The following PPP1R42 variants were observed in gnomAD, a reference collection of about 807,000 sequenced individuals.
PPP1R42 encodes protein phosphatase 1 regulatory subunit 42, also known as leucine rich repeat containing 67.
PPP1R42 carries 34 observed loss-of-function variants against 31.0 expected under a neutral mutation model. The observed-to-expected ratio is 1.10, with a 90% confidence interval of 0.83 to 1.46. The LOEUF (loss-of-function observed/expected upper bound fraction) is 1.46, where lower values mean the gene tolerates loss of function less well. Among genes scored for constraint, PPP1R42 ranks in the 40% most tolerant of loss-of-function variants. The pLI is 0.00. For missense variants in PPP1R42, 268 were observed against 303.0 expected (o/e 0.88, Z 0.86); for synonymous variants, 103 against 109.8 (o/e 0.94, Z 0.39).
intron 6 of PPP1R42, chr8:66,985,021 C>T: frequency 1.3e-6 from 2 of 1,523,482 alleles, no homozygotes; most frequent in Non-Finnish European, 1.8e-6. Flanking sequence ...ATTTTCCTCT[C>T]TAAGGTTAAA....
At chr8:66,982,010 C>A in intron 7 of PPP1R42, 39 bp downstream of exon 7, 1 of 1,307,744 alleles carries the variant, frequency 7.6e-7, no homozygotes, top group Non-Finnish European at 9.7e-7. Flanking sequence ...ATTTCCTTTG[C>A]TAGAAGAGCA....
intron 6 of PPP1R42, chr8:66,985,378 A>G (rs1278531353): frequency 9.1e-5 from 68 of 748,436 alleles, no homozygotes; most frequent in Non-Finnish European, 1.4e-4. Flanking sequence ...AACAGCACGA[A>G]TATTGGCAGG....
chr8:67,014,587 G>A lies in PPP1R42; in HGVS notation c.135C>T (p.Asp45=). The part of the protein sequence containing the change: ...FSDKNIDAIE[D]LSLCKNLSVL... ...CACTAAGATTTTTGCAAAGAGAGAG[G>A]TCTTCCTAAAAGGGAAACAAAAACA... Residue 45 remains aspartate (D), a synonymous_variant, in exon 3 of 8, where the codon GAC becomes GAT. Coordinates refer to ENST00000685739, the MANE Select transcript of PPP1R42 (RefSeq NM_001364910.1). 6.6e-7 allele frequency: 1 copy of A among 1,524,516 alleles called. No homozygotes were observed. The highest frequency in any genetic ancestry group is 8.9e-7 in the Non-Finnish European group (1 of 1,126,592). 94.4% of individuals were successfully genotyped at this position (1,524,516 alleles called of 1,614,324 possible).
intron 1 of PPP1R42, chr8:67,021,464 CTTA>C (rs886383060): frequency 2.0e-5 from 3 of 152,004 alleles, no homozygotes; most frequent in African/African-American, 7.2e-5. Context: ...AAATTTTAAG[CTTA>C]TTGTTGACTT....
chr8:66,977,537 G>A (rs1436829833), intron 7 of PPP1R42, among the ~76,000 whole-genome samples: 2 of 151,798 alleles, frequency 1.3e-5, no homozygotes, highest in East Asian at 1.9e-4. Context: ...ATGGAGTCTC[G>A]CTCTGTTTCC....
intron 7 of PPP1R42, among the ~76,000 whole-genome samples, chr8:66,972,048 A>C (rs1314458138): frequency 1.3e-5 from 2 of 152,250 alleles, no homozygotes; most frequent in Non-Finnish European, 2.9e-5. Context: ...GATTTTGAAA[A>C]TACATAATAT....
At chr8:66,994,133 G>A (rs1815269553) in intron 5 of PPP1R42, among the ~76,000 whole-genome samples, 1 of 152,130 alleles carries the variant, frequency 6.6e-6, no homozygotes, top group Admixed American at 6.6e-5. Flanking sequence ...TTGGTGGTAA[G>A]GAGTCCTTGG....
chr8:67,024,138 C>G (rs961452851), intron 1 of PPP1R42, among the ~76,000 whole-genome samples: 3 of 151,298 alleles, frequency 2.0e-5, no homozygotes, highest in Non-Finnish European at 4.4e-5. Context: ...GACCAAGACT[C>G]CATCTCAAAA....
chr8:66,988,092 C>G lies in PPP1R42; in HGVS notation c.670+308G>C, dbSNP rs527303900. The stretch of plus-strand genomic sequence containing the variant: ...TCTTGGGATCATCAAAGGATTTGTG[C>G]TAACGAAAGTTTGGCAAAAGGTCAG... On this transcript the variant is annotated intron_variant, in intron 6 of 7. Coordinates refer to ENST00000685739, the MANE Select transcript of PPP1R42 (RefSeq NM_001364910.1). 3.6e-3 allele frequency: 3,594 copies of G among 1,000,250 alleles called. 6 individuals carry two copies. Among genetic ancestry groups the G allele is most frequent in the Non-Finnish European group, 4.0e-3 (3,315 of 837,076 alleles). The allele number at this position is 1,000,250 out of a possible 1,614,324, so 62.0% of individuals were successfully genotyped here. A position where few individuals can be genotyped will look rare whatever the true frequency, so the allele number is the denominator to read the frequency against.
intron 7 of PPP1R42, among the ~76,000 whole-genome samples, chr8:66,965,536 A>G (rs945551662): frequency 6.6e-6 from 1 of 151,196 alleles, no homozygotes; most frequent in African/African-American, 2.4e-5. Flanking sequence ...TCCGGGGATC[A>G]AGTGATCCTC....
chr8:66,997,918 A>G (rs750365642), intron 5 of PPP1R42, among the ~76,000 whole-genome samples: 21 of 152,152 alleles, frequency 1.4e-4, no homozygotes, highest in Non-Finnish European at 2.9e-4. Flanking sequence ...GTCAATTTCT[A>G]AGAGAAAAGA....
chr8:66,965,904 C>T (rs527705444), intron 7 of PPP1R42, among the ~76,000 whole-genome samples: 204 of 152,144 alleles, frequency 1.3e-3, no homozygotes, highest in African/African-American at 4.7e-3. Flanking sequence ...GCCTGGGCAA[C>T]AAAATGAGAC....
intron 7 of PPP1R42, among the ~76,000 whole-genome samples, chr8:66,969,973 A>G (rs1213651837): frequency 2.0e-5 from 3 of 152,216 alleles, no homozygotes; most frequent in Non-Finnish European, 4.4e-5. Flanking sequence ...TTATCACATT[A>G]TAGAGTAATT....
chr8:66,994,703 C>CT (rs1815287323), intron 5 of PPP1R42, among the ~76,000 whole-genome samples: 1 of 152,066 alleles, frequency 6.6e-6, no homozygotes, highest in African/African-American at 2.4e-5. Flanking sequence ...ATTAACAGGA[C>CT]TTTCATAGTA....
At chr8:66,972,383 T>C (rs1259760416) in intron 7 of PPP1R42, among the ~76,000 whole-genome samples, 1 of 152,204 alleles carries the variant, frequency 6.6e-6, no homozygotes, top group Non-Finnish European at 1.5e-5. Flanking sequence ...TTTATTTTAA[T>C]TGATTTTAGA....
intron 1 of PPP1R42, among the ~76,000 whole-genome samples, chr8:67,026,338 CA>C (rs572842174): frequency 4.2e-4 from 58 of 137,960 alleles, no homozygotes; most frequent in Non-Finnish European, 3.7e-4. Context: ...AACTCCATCT[CA>C]AAAAAAAAAA....
intron 5 of PPP1R42, among the ~76,000 whole-genome samples, chr8:66,996,952 G>T (rs1815348976): frequency 6.6e-6 from 1 of 152,184 alleles, no homozygotes; most frequent in East Asian, 1.9e-4. Flanking sequence ...AGGAGTTCAA[G>T]AAAAGCCTGG....
intron 5 of PPP1R42, among the ~76,000 whole-genome samples, chr8:67,002,103 C>T (rs1815507557): frequency 6.6e-6 from 1 of 152,164 alleles, no homozygotes; most frequent in Non-Finnish European, 1.5e-5. Flanking sequence ...GATCTTCTGG[C>T]TTGCATTGCT....
chr8:66,967,909 G>A (rs930207077), intron 7 of PPP1R42, among the ~76,000 whole-genome samples: 1 of 151,462 alleles, frequency 6.6e-6, no homozygotes, highest in Non-Finnish European at 1.5e-5. Context: ...CAGTATTCTC[G>A]GTGGATTTTA....
Sources: gnomAD v4.1 joint callset for allele counts (sites outside exome capture counted in the v4.1 genomes callset) on GRCh38, gnomAD v4.1.1 for gene constraint, MANE v1.5 for transcripts, NCBI Gene and HGNC (gene_info 2026-07-23, HGNC 2026-07-21) for gene names.